CEMIP: variants seen among roughly 807,000 people sequenced by gnomAD.
The protein encoded by CEMIP is cell migration inducing hyaluronidase 1.
A neutral mutation model predicts 156.9 loss-of-function variants in CEMIP; 105 were observed. The observed-to-expected ratio is 0.67, with a 90% CI of 0.57 to 0.79. The LOEUF (loss-of-function observed/expected upper bound fraction) is 0.79, where lower values mean the gene tolerates loss of function less well. CEMIP is among the 30% of genes least tolerant of loss of function. CEMIP has a pLI of 0.00. For missense variants in CEMIP, 1,457 were observed against 1,769.4 expected, an observed-to-expected ratio of 0.82 and a Z score of 3.17; for synonymous variants, 676 against 668.4, an observed-to-expected ratio of 1.01 and a Z score of -0.17.
intron 1 of CEMIP, among the ~76,000 whole-genome samples, chr15:80,787,521 C>A (rs957667203): frequency 6.6e-6 from 1 of 152,194 alleles, no homozygotes; most frequent in African/African-American, 2.4e-5. Flanking sequence ...GGAATCCAGC[C>A]CCCTGTCTGG....
At chr15:80,839,052 G>A (rs1350019628) in intron 1 of CEMIP, among the ~76,000 whole-genome samples, 4 of 152,298 alleles carry the variant, frequency 2.6e-5, no homozygotes, top group South Asian at 2.1e-4. Context: ...AGCCCTCTGA[G>A]GTAACAGGAA....
chr15:80,906,518 C>T lies in CEMIP; in HGVS notation c.1412-145C>T. ...AGGCGTGTGACTTCACCTCCCTGAC[C>T]TTCATCCTTCTGTAACATGAGACCA... On this transcript the variant is annotated intron_variant, in intron 12 of 29. Coordinates refer to ENST00000394685, the MANE Select transcript of CEMIP (RefSeq NM_001293298.2). This position sits in a 1 kb window ranked among gnomAD's most constrained non-coding sequence, Gnocchi z 4.3. 3.9e-6 allele frequency: 3 copies of T among 773,878 alleles called. No individual in the cohort carries two copies. The highest frequency in any genetic ancestry group is 2.6e-5 in the East Asian group (1 of 38,030). The allele number at this position is 773,878 out of a possible 1,614,324, so 47.9% of individuals were successfully genotyped here. A position where few individuals can be genotyped will look rare whatever the true frequency, so the allele number is the denominator to read the frequency against.
intron 28 of CEMIP, among the ~76,000 whole-genome samples, chr15:80,944,801 A>G (rs1378788818): frequency 6.6e-6 from 1 of 152,226 alleles, no homozygotes; most frequent in Non-Finnish European, 1.5e-5. Context: ...ATGAAAGATG[A>G]TGCAGAAGCT....
intron 1 of CEMIP, among the ~76,000 whole-genome samples, chr15:80,803,100 G>A (rs903480762): frequency 9.9e-5 from 15 of 152,172 alleles, no homozygotes; most frequent in Admixed American, 7.2e-4. Context: ...AGAGCCCTAA[G>A]GAAGAGAGTG....
chr15:80,903,745 A>G (rs1049403623), intron 12 of CEMIP, among the ~76,000 whole-genome samples: 1 of 152,100 alleles, frequency 6.6e-6, no homozygotes, highest in Non-Finnish European at 1.5e-5. Context: ...TCCTTGGTGA[A>G]GTTTGCTGTG....
chr15:80,785,447 T>A (rs1739556880), intron 1 of CEMIP, among the ~76,000 whole-genome samples: 1 of 152,148 alleles, frequency 6.6e-6, no homozygotes, highest in Non-Finnish European at 1.5e-5. Context: ...ACCGCCACAA[T>A]CGGAAGCAGA....
chr15:80,934,170 T>G (rs1255495506), intron 23 of CEMIP, among the ~76,000 whole-genome samples: 1 of 152,254 alleles, frequency 6.6e-6, no homozygotes, highest in Non-Finnish European at 1.5e-5. Context: ...TTTTGCATTT[T>G]TATTGCTATA....
At chr15:80,787,085 G>A (rs1895959280) in intron 1 of CEMIP, among the ~76,000 whole-genome samples, 1 of 152,162 alleles carries the variant, frequency 6.6e-6, no homozygotes, top group Non-Finnish European at 1.5e-5. Context: ...TTTTAGCTGT[G>A]GCTTCTGTCT....
intron 26 of CEMIP, 22 bp from the exon 27 acceptor site, chr15:80,942,229 T>C (rs1901368788): frequency 6.3e-7 from 1 of 1,599,916 alleles, no homozygotes; most frequent in Non-Finnish European, 8.6e-7. Context: ...AACAATTACA[T>C]TGGGTTCTAT....
At chr15:80,867,840 G>A (rs575760745) in intron 1 of CEMIP, among the ~76,000 whole-genome samples, 155 of 152,320 alleles carry the variant, frequency 1.0e-3, no homozygotes, top group African/African-American at 3.4e-3. Flanking sequence ...GGCCTGGGGA[G>A]GAACAAGTGG....
intron 3 of CEMIP, among the ~76,000 whole-genome samples, chr15:80,877,273 TTTCTTTGCTCAAGAGACACC>T (rs1241742931): frequency 2.6e-5 from 4 of 151,966 alleles, no homozygotes; most frequent in African/African-American, 7.3e-5. Context: ...CCTCCCAGGG[TTTCTTTGCTCAAGAGACACC>T]TTCTTTGCTC....
At position 80,909,196 on chromosome 15, in the gene CEMIP, G is replaced by A. The variant is rs147046826; in HGVS notation, c.1687G>A (p.Gly563Ser). ...GTACCCGATTCACTTCCACCTGGCC[G>A]GTGATGTAGACGAAAGGGGAGGTTA... ...GQYPIHFHLA[G>S]DVDERGGYDP... Residue 563 changes from glycine (G) to serine (S), a missense_variant, in exon 14 of 30, where the codon GGT becomes AGT. Gly to Ser is a moderately conservative substitution (Grantham distance 56). Around this residue, in one of 5 missense-constraint regions of CEMIP, gnomAD observed 53 missense variants for 104.5 expected, o/e 0.51. Transcript: ENST00000394685. 74 of 1,614,036 alleles carry A rather than the reference G, an allele frequency of 4.6e-5. No individual in the cohort carries two copies. The highest frequency in any genetic ancestry group is 3.2e-4 in the South Asian group (29 of 91,090).
intron 12 of CEMIP, among the ~76,000 whole-genome samples, chr15:80,900,646 G>GTGTGTGTGTGTC (rs1899475629): frequency 8.5e-6 from 1 of 117,332 alleles, no homozygotes; most frequent in East Asian, 2.2e-4. Context: ...GTGTGTGTGT[G>GTGTGTGTGTGTC]TGTCTGTGTG....
intron 4 of CEMIP, among the ~76,000 whole-genome samples, chr15:80,879,171 A>C (rs1898563105): frequency 6.6e-6 from 1 of 152,194 alleles, no homozygotes; most frequent in South Asian, 2.1e-4. Flanking sequence ...ATGGCATTTG[A>C]CCAGACAGGC....
At chr15:80,796,199 C>T (rs1021697745) in intron 1 of CEMIP, among the ~76,000 whole-genome samples, 2 of 152,116 alleles carry the variant, frequency 1.3e-5, no homozygotes, top group African/African-American at 4.8e-5. Context: ...GTTTCAAATT[C>T]CTGGGCCCAA....
At chr15:80,805,140 C>T (rs930947565) in intron 1 of CEMIP, among the ~76,000 whole-genome samples, 3 of 152,130 alleles carry the variant, frequency 2.0e-5, no homozygotes, top group African/African-American at 7.2e-5. Context: ...GCCTTAACAG[C>T]CCCCAAAACA....
chr15:80,847,359 T>C (rs193215847), intron 1 of CEMIP, among the ~76,000 whole-genome samples: 22 of 152,328 alleles, frequency 1.4e-4, no homozygotes, highest in African/African-American at 5.1e-4. Context: ...CTTATGTAGC[T>C]TTTGGAAACA....
At chr15:80,843,156 C>T (rs972762311) in intron 1 of CEMIP, among the ~76,000 whole-genome samples, 6 of 152,142 alleles carry the variant, frequency 3.9e-5, no homozygotes, top group Admixed American at 2.0e-4. Flanking sequence ...TTAATCTCCA[C>T]GATGGCCTTA....
At chr15:80,943,232 C>A in intron 28 of CEMIP, 130 bp downstream of exon 28, 2 of 988,994 alleles carry the variant, frequency 2.0e-6, no homozygotes, top group Non-Finnish European at 3.2e-6. Flanking sequence ...CCACAGCCTG[C>A]CCACAAATCA....
Sources: allele counts gnomAD v4.1 joint callset (sites outside exome capture counted in the v4.1 genomes callset), GRCh38; gene constraint gnomAD v4.1.1; regional missense constraint gnomAD v4.1.1; non-coding constraint Gnocchi (gnomAD v3.1); transcripts MANE v1.5; gene names NCBI Gene and HGNC (gene_info 2026-07-23, HGNC 2026-07-21).